Variants in AMBRA1 observed in about 807,000 individuals in gnomAD.
AMBRA1 encodes the protein activating molecule in BECN1-regulated autophagy protein 1.
A neutral mutation model predicts 125.4 loss-of-function variants in AMBRA1; 47 were observed. The ratio of observed to expected loss-of-function variants is 0.37; its 90% CI spans 0.30 to 0.48. AMBRA1 has a LOEUF of 0.48. Among genes scored for constraint, AMBRA1 ranks in the 20% least tolerant of loss-of-function variants. The pLI is 0.99. For missense variants in AMBRA1, 1,331 were observed against 1,693.4 expected, an observed-to-expected ratio of 0.79 and a Z score of 3.76; for synonymous variants, 626 against 655.5, an observed-to-expected ratio of 0.95 and a Z score of 0.69.
intron 14 of AMBRA1, among the ~76,000 whole-genome samples, 180 bp downstream of exon 14, chr11:46,433,294 C>A (rs932986123): frequency 2.6e-5 from 4 of 152,160 alleles, no homozygotes; most frequent in Non-Finnish European, 1.5e-5. Context: ...CTTTGATAGT[C>A]CAGAGCTTCC....
intron 14 of AMBRA1, among the ~76,000 whole-genome samples, chr11:46,431,661 T>A (rs745438861): frequency 2.6e-5 from 4 of 152,246 alleles, no homozygotes; most frequent in Non-Finnish European, 4.4e-5. Context: ...TAAACGATTA[T>A]TCCACAATTA....
intron 14 of AMBRA1, among the ~76,000 whole-genome samples, chr11:46,429,732 T>C (rs1489491435): frequency 6.6e-6 from 1 of 152,158 alleles, no homozygotes; most frequent in Non-Finnish European, 1.5e-5. Context: ...TTTAGAAAAT[T>C]AATTGCAGTT....
chr11:46,442,825 C>T (rs1476355102), intron 12 of AMBRA1, among the ~76,000 whole-genome samples: 3 of 152,244 alleles, frequency 2.0e-5, no homozygotes, highest in African/African-American at 4.8e-5. Flanking sequence ...AGAAAAATTT[C>T]AGCTTCAGAT....
At chr11:46,408,030 G>A (rs1946106084) in intron 17 of AMBRA1, among the ~76,000 whole-genome samples, 1 of 152,192 alleles carries the variant, frequency 6.6e-6, no homozygotes, top group Non-Finnish European at 1.5e-5. Context: ...TAGGTGAGAG[G>A]AAGGGGCTGA....
chr11:46,449,115 CT>C (rs1367246186), intron 11 of AMBRA1, among the ~76,000 whole-genome samples: 1 of 152,132 alleles, frequency 6.6e-6, no homozygotes, highest in Non-Finnish European at 1.5e-5. Flanking sequence ...TACTTTCCCC[CT>C]AAGACCAGGA....
At chr11:46,580,283 T>C (rs1158473288) in intron 1 of AMBRA1, among the ~76,000 whole-genome samples, 1 of 152,168 alleles carries the variant, frequency 6.6e-6, no homozygotes, top group Non-Finnish European at 1.5e-5. Flanking sequence ...CTATACTTGT[T>C]CTCTAGGAGA....
chr11:46,422,085 A>ATG (rs1335021216), intron 14 of AMBRA1, among the ~76,000 whole-genome samples: 1 of 152,202 alleles, frequency 6.6e-6, no homozygotes, highest in Non-Finnish European at 1.5e-5. Flanking sequence ...CACAAGAGAC[A>ATG]TGCCGTGCAG....
intron 14 of AMBRA1, among the ~76,000 whole-genome samples, chr11:46,430,628 T>C (rs879175160): frequency 1.3e-5 from 2 of 152,328 alleles, no homozygotes; most frequent in Admixed American, 1.3e-4. Context: ...TATGGGATTG[T>C]GTCAGAGATC....
At chr11:46,418,660 C>A (rs1261144655) in intron 14 of AMBRA1, among the ~76,000 whole-genome samples, 1 of 151,728 alleles carries the variant, frequency 6.6e-6, no homozygotes, top group Non-Finnish European at 1.5e-5. Context: ...GTTTGGTTTT[C>A]GAACAGGATG....
intron 11 of AMBRA1, among the ~76,000 whole-genome samples, chr11:46,445,447 T>G (rs1276423945): frequency 1.3e-5 from 2 of 152,150 alleles, no homozygotes; most frequent in East Asian, 3.9e-4. Context: ...GGTAAATATA[T>G]ACCCTTGCTT....
intron 9 of AMBRA1, among the ~76,000 whole-genome samples, chr11:46,506,172 C>T (rs779281379): frequency 2.0e-5 from 3 of 152,152 alleles, no homozygotes; most frequent in African/African-American, 4.8e-5. Context: ...TGCTGATATA[C>T]GCATCCACCT....
chr11:46,473,228 T>A (rs1016886296), intron 11 of AMBRA1, among the ~76,000 whole-genome samples: 11 of 152,244 alleles, frequency 7.2e-5, no homozygotes. Context: ...TCCTGTATCA[T>A]GTCAGCATGA....
At chr11:46,469,774 C>T (rs1949498113) in intron 11 of AMBRA1, among the ~76,000 whole-genome samples, 1 of 151,960 alleles carries the variant, frequency 6.6e-6, no homozygotes, top group East Asian at 1.9e-4. Flanking sequence ...AAGCAATCCT[C>T]CTGTCTCAAC....
intron 11 of AMBRA1, among the ~76,000 whole-genome samples, chr11:46,472,200 T>C (rs1949625420): frequency 6.6e-6 from 1 of 152,238 alleles, no homozygotes; most frequent in Non-Finnish European, 1.5e-5. Context: ...GAAGTATTTA[T>C]TTTATGTCCC....
intron 7 of AMBRA1, among the ~76,000 whole-genome samples, chr11:46,514,750 C>T (rs1255141839): frequency 1.3e-5 from 2 of 152,052 alleles, no homozygotes; most frequent in Non-Finnish European, 2.9e-5. Flanking sequence ...CCCAGGATTA[C>T]AGCCATAAGT....
chr11:46,543,012 T>A lies in AMBRA1; in HGVS notation c.1005A>T (p.Arg335Ser). Reference sequence around the variant, plus strand: ...CAAAAGAAAAGGAAGGGGTAGTAGCTCTGGCAGAAGCAGGGGGGACACTGT... The same window carrying A: ...CAAAAGAAAAGGAAGGGGTAGTAGCACTGGCAGAAGCAGGGGGGACACTGT... ...HQDSVPPASA[R>S]ATTPSFSFVQ... The change falls in exon 7 of 18, where the codon AGA (arginine) becomes AGT (serine). Residue 335 changes from arginine to serine, a missense_variant. Transcript: ENST00000683756. 6.3e-7 allele frequency: 1 copy of A among 1,599,932 alleles called. No homozygotes were observed. Among genetic ancestry groups the A allele is most frequent in the Non-Finnish European group, 8.5e-7 (1 of 1,179,872 alleles).
intron 17 of AMBRA1, among the ~76,000 whole-genome samples, chr11:46,406,246 G>A (rs570309196): frequency 6.6e-5 from 10 of 150,972 alleles, no homozygotes; most frequent in South Asian, 4.2e-4. Context: ...TAGAGACAGC[G>A]TTTCACCATG....
chr11:46,568,452 CAAAAACA>C lies in AMBRA1; in HGVS notation c.-120-19959_-120-19953del, dbSNP rs1191233437. ...CAGCTTGGGTGACAAGAGAGAAACTCAAAAACAAAAAACAAAAAACAAAAAACAAAAA... is the reference window on the plus strand; with the variant it reads ...CAGCTTGGGTGACAAGAGAGAAACTCAAAAACAAAAAACAAAAAACAAAAA... On this transcript the variant is annotated intron_variant, in intron 1 of 17. Transcript: ENST00000683756. Among the ~76,000 whole-genome samples the C allele has an allele frequency of 3.7e-3, 563 of 150,642 alleles. 8 individuals carry two copies. The highest frequency in any genetic ancestry group is 4.8e-3 in the Non-Finnish European group (328 of 67,694).
At chr11:46,433,401 C>T in intron 14 of AMBRA1, 73 bp downstream of exon 14, 1 of 1,545,972 alleles carries the variant, frequency 6.5e-7, no homozygotes, top group African/African-American at 1.4e-5. Flanking sequence ...GGAGGTCACA[C>T]CACTGTCCCC....
Sources: allele counts gnomAD v4.1 joint callset (sites outside exome capture counted in the v4.1 genomes callset), GRCh38; gene constraint gnomAD v4.1.1; transcripts MANE v1.5; gene names NCBI Gene and HGNC (gene_info 2026-07-23, HGNC 2026-07-21).